Variants in HIP1 observed in about 807,000 individuals in gnomAD.
HIP1 encodes huntingtin interacting protein 1.
HIP1 carries 65 observed loss-of-function variants against 147.6 expected under a neutral mutation model. That is an observed-to-expected ratio of 0.44 (90% CI 0.36 to 0.54). HIP1 has a LOEUF of 0.54. Ranked by LOEUF, HIP1 falls within the 20% of genes least tolerant of loss-of-function variation. HIP1 has a pLI of 0.00. For missense variants in HIP1, 1,061 were observed against 1,299.6 expected, an observed-to-expected ratio of 0.82 and a Z score of 2.82; for synonymous variants, 479 against 504.0, an observed-to-expected ratio of 0.95 and a Z score of 0.67.
intron 1 of HIP1, among the ~76,000 whole-genome samples, chr7:75,602,931 G>A (rs942163347): frequency 4.0e-5 from 6 of 151,718 alleles, no homozygotes; most frequent in Admixed American, 2.0e-4. Context: ...GGTGATCCTC[G>A]AAGAAGATGT....
chr7:75,616,615 A>AGGAGGAGGAGGAG (rs1563248085), intron 1 of HIP1, among the ~76,000 whole-genome samples: 3 of 80,254 alleles, frequency 3.7e-5, no homozygotes, highest in East Asian at 2.8e-4. Context: ...AGGAGGAGGA[A>AGGAGGAGGAGGAG]GAGGAGGAGG....
intron 1 of HIP1, among the ~76,000 whole-genome samples, chr7:75,719,226 C>T (rs145366153): frequency 1.9e-3 from 295 of 151,998 alleles, no homozygotes; most frequent in South Asian, 0.019. Context: ...AAGACTAGGC[C>T]GGGCGTGGTG....
At chr7:75,700,937 C>T (rs1554519135) in intron 1 of HIP1, among the ~76,000 whole-genome samples, 1 of 151,956 alleles carries the variant, frequency 6.6e-6, no homozygotes, top group African/African-American at 2.4e-5. Context: ...GATCTCCTGA[C>T]CTCGTGATCC....
At chr7:75,724,287 C>T (rs886148340) in intron 1 of HIP1, among the ~76,000 whole-genome samples, 7 of 149,422 alleles carry the variant, frequency 4.7e-5, no homozygotes, top group African/African-American at 9.9e-5. Flanking sequence ...CTCACTCTGT[C>T]GCCAGGCTGG....
chr7:75,680,358 A>G lies in HIP1; in HGVS notation c.120+58443T>C, dbSNP rs147848522. ...GCACCTGGCCGAAACTCCAGCTTTT[A>G]AATATCTCCACCCATTTCTCTCTGC... On this transcript the variant is annotated intron_variant, in intron 1 of 30. Transcript: ENST00000336926. 7.8e-3 allele frequency among the ~76,000 whole-genome samples: 1,192 copies of G among 151,938 alleles called. 14 individuals carry two copies. The highest frequency in any genetic ancestry group is 0.025 in the East Asian group (130 of 5,146).
At chr7:75,658,609 G>GA (rs1247664154) in intron 1 of HIP1, among the ~76,000 whole-genome samples, 1 of 151,422 alleles carries the variant, frequency 6.6e-6, no homozygotes, top group Non-Finnish European at 1.5e-5. Context: ...AAAGAGGCAG[G>GA]AAAAAGGCTG....
intron 1 of HIP1, among the ~76,000 whole-genome samples, chr7:75,606,920 A>T (rs1797245239): frequency 6.6e-6 from 1 of 152,046 alleles, no homozygotes; most frequent in South Asian, 2.1e-4. Context: ...GGTACCTGAG[A>T]TCTCTTAGGC....
At chr7:75,585,064 G>A (rs1796202677) in intron 5 of HIP1, among the ~76,000 whole-genome samples, 1 of 151,910 alleles carries the variant, frequency 6.6e-6, no homozygotes, top group Admixed American at 6.6e-5. Context: ...TGGTCAGGCT[G>A]GTCTCCAACT....
chr7:75,655,317 G>A (rs1200373046), intron 1 of HIP1, among the ~76,000 whole-genome samples: 4 of 152,118 alleles, frequency 2.6e-5, no homozygotes, highest in Admixed American at 6.6e-5. Flanking sequence ...GGTGGCTCAC[G>A]CCTGTAATCC....
intron 1 of HIP1, among the ~76,000 whole-genome samples, chr7:75,720,070 A>T (rs1801452800): frequency 6.6e-6 from 1 of 152,172 alleles, no homozygotes; most frequent in East Asian, 1.9e-4. Context: ...GACGATAGAG[A>T]CGATAGAGAG....
chr7:75,610,532 T>G (rs1797395712), intron 1 of HIP1, among the ~76,000 whole-genome samples: 2 of 151,802 alleles, frequency 1.3e-5, no homozygotes, highest in Non-Finnish European at 2.9e-5. Context: ...TTTTTTGAAT[T>G]CCTATTTCTC....
chr7:75,725,622 A>C (rs1405144584), intron 1 of HIP1, among the ~76,000 whole-genome samples: 1 of 152,134 alleles, frequency 6.6e-6, no homozygotes, highest in African/African-American at 2.4e-5. Context: ...TTCTTCACTC[A>C]ACATTCTGTT....
At position 75,582,109 on chromosome 7, in the gene HIP1, G is replaced by A. The variant is rs782761102; in HGVS notation, c.508C>T (p.Leu170=). The A allele has an allele frequency of 2.4e-5, 39 of 1,614,048 alleles. No individual in the cohort carries two copies. Among genetic ancestry groups the A allele is most frequent in the Non-Finnish European group, 3.1e-5 (37 of 1,179,956 alleles). The part of the protein sequence containing the change: ...PGNLQMSDRQ[L]DEAGESDVNN... ...ACGTCACTTTCTCCAGCCTCGTCCA[G>A]CTGGCGGTCACTCATCTGCAGGTTG... Residue 170 remains leucine, a synonymous_variant, in exon 6 of 31, where the codon CTG becomes TTG. Coordinates refer to ENST00000336926, the MANE Select transcript of HIP1 (RefSeq NM_005338.7).
Position 75,592,474 on chromosome 7 carries a change from G to A in HIP1, c.225C>T (p.Thr75=). Residue 75 remains threonine (T), a synonymous_variant, in exon 3 of 31, where the codon ACC becomes ACT. Transcript: ENST00000336926. ...LGTHHEKGAQ[T]FWSVVNRLPL... Reference sequence around the variant, plus strand: ...GCAGGCGGTTGACAACAGACCAGAAGGTCTGTGCCCCTTTCTCATGGTGGG... The same window carrying A: ...GCAGGCGGTTGACAACAGACCAGAAAGTCTGTGCCCCTTTCTCATGGTGGG... 6.2e-7 allele frequency: 1 copy of A among 1,611,398 alleles called. No individual in the cohort carries two copies. Among genetic ancestry groups the A allele is most frequent in the South Asian group, 1.1e-5 (1 of 90,992 alleles).
At position 75,573,840 on chromosome 7, in the gene HIP1, G is replaced by A. The variant is rs138051252; in HGVS notation, c.666C>T (p.Leu222=). The A allele has an allele frequency of 1.6e-4, 258 of 1,613,786 alleles. No individual in the cohort carries two copies. The highest frequency in any genetic ancestry group is 2.1e-4 in the Non-Finnish European group (247 of 1,179,808). The change falls in exon 8 of 31, where the codon CTC becomes CTT. Residue 222 remains leucine, a synonymous_variant. Coordinates refer to ENST00000336926, the MANE Select transcript of HIP1 (RefSeq NM_005338.7). ...CCAAGATGACCTGGATCAGCGGGGCGAGGCGGCACTGCCCTGCTGCCGTCA... is the reference window on the plus strand; with the variant it reads ...CCAAGATGACCTGGATCAGCGGGGCAAGGCGGCACTGCCCTGCTGCCGTCA... The part of the protein sequence containing the change: ...VSVTAAGQCR[L]APLIQVILDC...
chr7:75,644,845 G>C (rs1584915087), intron 1 of HIP1, among the ~76,000 whole-genome samples: 1 of 152,162 alleles, frequency 6.6e-6, no homozygotes, highest in East Asian at 1.9e-4. Flanking sequence ...TCCCAGCCAG[G>C]CTGTGATCCT....
At position 75,548,966 on chromosome 7, in the gene HIP1, C is replaced by T. The variant is rs782138102; in HGVS notation, c.2331G>A (p.Glu777=). ...CCTTGTCCACCAGGTCCCCCAGCTC[C>T]TCCTGCTTGATGTCCAGTCCCCTGG... is the stretch of plus-strand genomic sequence containing the variant. ...LLPRGLDIKQ[E]ELGDLVDKEM... is the part of the protein sequence containing the mutation. Residue 777 remains glutamate, a synonymous_variant, in exon 23 of 31, where the codon GAG becomes GAA. Coordinates refer to ENST00000336926, the MANE Select transcript of HIP1 (RefSeq NM_005338.7). The T allele has an allele frequency of 1.2e-6, 2 of 1,614,110 alleles. No individual in the cohort carries two copies. The highest frequency in any genetic ancestry group is 1.7e-6 in the Non-Finnish European group (2 of 1,179,972).
chr7:75,633,200 G>GT (rs2117132312), intron 1 of HIP1, among the ~76,000 whole-genome samples: 1 of 152,164 alleles, frequency 6.6e-6, no homozygotes, highest in East Asian at 1.9e-4. Context: ...ACTTACTCAT[G>GT]TGCATGCATA....
intron 1 of HIP1, among the ~76,000 whole-genome samples, chr7:75,633,417 C>A (rs587615159): frequency 7.2e-5 from 11 of 152,052 alleles, no homozygotes; most frequent in African/African-American, 2.7e-4. Context: ...CTCAGCCTCC[C>A]GAGCAGCTGG....
Sources: gnomAD v4.1 joint callset for allele counts (sites outside exome capture counted in the v4.1 genomes callset) on GRCh38, gnomAD v4.1.1 for gene constraint, MANE v1.5 for transcripts, NCBI Gene and HGNC (gene_info 2026-07-23, HGNC 2026-07-21) for gene names.